The following ANKS3 variants were observed in gnomAD, a reference collection of about 807,000 sequenced individuals.
The protein encoded by ANKS3 is ankyrin repeat and sterile alpha motif domain containing 3, also known as ankyrin repeat and SAM domain-containing protein 3.
A neutral mutation model predicts 80.7 loss-of-function variants in ANKS3; 62 were observed. The ratio of observed to expected loss-of-function variants is 0.77; its 90% CI spans 0.63 to 0.95. ANKS3 has a LOEUF of 0.95. Among genes scored for constraint, ANKS3 ranks in the 40% least tolerant of loss-of-function variants. ANKS3 has a pLI of 0.00. For missense variants in ANKS3, 1,150 were observed against 883.6 expected (o/e 1.30, Z -3.82); for synonymous variants, 489 against 355.3 (o/e 1.38, Z -4.23).
chr16:4,725,832 G>A (rs1313873292), intron 5 of ANKS3, among the ~76,000 whole-genome samples: 1 of 150,594 alleles, frequency 6.6e-6, no homozygotes, highest in Non-Finnish European at 1.5e-5. Flanking sequence ...GCTAATTTTT[G>A]TATTTTTAGT....
intron 3 of ANKS3, chr16:4,727,813 C>T (rs2081429494): frequency 6.5e-6 from 1 of 153,286 alleles, no homozygotes; most frequent in Non-Finnish European, 1.5e-5. Context: ...TCACTGATTG[C>T]TGTTAAAATT....
At chr16:4,733,893 C>CA (rs1178523376) in intron 1 of ANKS3, 45 bp downstream of exon 1, 1 of 984,340 alleles carries the variant, frequency 1.0e-6, no homozygotes, top group Non-Finnish European at 1.2e-6. Context: ...AAAGGTAGCT[C>CA]ACTGGCCCCG....
intron 7 of ANKS3, among the ~76,000 whole-genome samples, chr16:4,707,407 G>A (rs1057145695): frequency 3.3e-5 from 5 of 150,832 alleles, no homozygotes; most frequent in Admixed American, 1.3e-4. Flanking sequence ...TCAGCCTCCC[G>A]AGTAGCTGGG....
intron 15 of ANKS3, 144 bp from the exon 16 acceptor site, chr16:4,697,560 G>T: frequency 1.5e-6 from 1 of 664,754 alleles, no homozygotes; most frequent in Non-Finnish European, 2.5e-6. Context: ...ACCTCCCAAG[G>T]CCGAGGCAGG....
chr16:4,716,830 C>G (rs8054023), intron 6 of ANKS3, among the ~76,000 whole-genome samples: 12,295 of 151,254 alleles, frequency 0.081, 1,030 homozygotes, highest in African/African-American at 0.22. Context: ...GAGGAGAAAT[C>G]CTTGAATCCA....
intron 7 of ANKS3, among the ~76,000 whole-genome samples, chr16:4,712,494 C>T (rs2080549514): frequency 6.6e-6 from 1 of 151,950 alleles, no homozygotes. Flanking sequence ...TAAAATAGTA[C>T]AACATGTGGG....
chr16:4,720,697 T>A (rs1004441871), intron 6 of ANKS3, among the ~76,000 whole-genome samples: 2 of 151,164 alleles, frequency 1.3e-5, no homozygotes, highest in Non-Finnish European at 1.5e-5. Flanking sequence ...TCTCAGCACT[T>A]TGGGAGGCCA....
intron 2 of ANKS3, 97 bp from the exon 3 acceptor site, chr16:4,730,248 G>C (rs981149731): frequency 2.5e-5 from 31 of 1,227,796 alleles, no homozygotes; most frequent in African/African-American, 1.1e-4. Context: ...TGCACTAGCA[G>C]ACTGATAACC....
intron 11 of ANKS3, chr16:4,700,753 G>C (rs1448612655): frequency 2.7e-6 from 2 of 752,208 alleles, no homozygotes; most frequent in African/African-American, 1.7e-5. Flanking sequence ...CAGGGAGACA[G>C]GTCCTTTCCG....
At chr16:4,701,259 T>TGAGAGCCTTGGTGAAA in intron 10 of ANKS3, 125 bp from the exon 11 acceptor site, 1 of 1,480,740 alleles carries the variant, frequency 6.8e-7, no homozygotes, top group Non-Finnish European at 9.2e-7. Flanking sequence ...CACAGGGGCT[T>TGAGAGCCTTGGTGAAA]CCGGTGCGTT....
At chr16:4,709,367 T>C (rs1214392390) in intron 7 of ANKS3, among the ~76,000 whole-genome samples, 1 of 149,762 alleles carries the variant, frequency 6.7e-6, no homozygotes, top group African/African-American at 2.5e-5. Flanking sequence ...GATCGTGCCA[T>C]TGCACTCCAG....
chr16:4,700,999 T>C lies in ANKS3; in HGVS notation c.1255A>G (p.Thr419Ala). 1.9e-6 allele frequency: 3 copies of C among 1,613,898 alleles called. 1 individual carries two copies. In the South Asian group the frequency reaches 3.3e-5, roughly 18 times the overall value. ...GGTCCTGAGTAGGGGGCCCTCTGAG[T>C]CTGGGGGCTGGACTCAGCGAGAAAG... ...EGFLAESSPQ[T>A]QRAPYSGPQD... Residue 419 changes from threonine (T) to alanine (A), a missense_variant, in exon 11 of 18, where the codon ACT (threonine) becomes GCT (alanine). Coordinates refer to ENST00000304283, the MANE Select transcript of ANKS3 (RefSeq NM_133450.4).
chr16:4,729,193 G>A (rs1387181132), intron 3 of ANKS3, among the ~76,000 whole-genome samples: 1 of 152,134 alleles, frequency 6.6e-6, no homozygotes. Flanking sequence ...TCTAACTATT[G>A]TACACAGATT....
chr16:4,724,955 C>T (rs2081282633), intron 5 of ANKS3, 124 bp from the exon 6 acceptor site: 2 of 715,194 alleles, frequency 2.8e-6, no homozygotes, highest in Admixed American at 5.6e-5. Flanking sequence ...GAACACTGTC[C>T]CTTTCCAGAA....
At chr16:4,718,414 T>C (rs1851053615) in intron 6 of ANKS3, among the ~76,000 whole-genome samples, 1 of 152,194 alleles carries the variant, frequency 6.6e-6, no homozygotes, top group Non-Finnish European at 1.5e-5. Context: ...CCCAGACAGA[T>C]CCATATCCTC....
intron 7 of ANKS3, among the ~76,000 whole-genome samples, chr16:4,711,260 C>T (rs1212613581): frequency 1.3e-5 from 2 of 151,678 alleles, no homozygotes; most frequent in Non-Finnish European, 2.9e-5. Flanking sequence ...TGCACCACTA[C>T]GCCCAGCTAA....
chr16:4,705,323 CTG>C, intron 7 of ANKS3, 70 bp from the exon 8 acceptor site: 1 of 1,547,708 alleles, frequency 6.5e-7, no homozygotes, highest in Non-Finnish European at 8.8e-7. Context: ...TTACGGCAAA[CTG>C]AAAGAAAGTG....
At chr16:4,709,962 G>T (rs1468379777) in intron 7 of ANKS3, among the ~76,000 whole-genome samples, 1 of 152,198 alleles carries the variant, frequency 6.6e-6, no homozygotes, top group Non-Finnish European at 1.5e-5. Flanking sequence ...AGTGAGCCAA[G>T]ATTATGCCAC....
intron 5 of ANKS3, among the ~76,000 whole-genome samples, 196 bp downstream of exon 5, chr16:4,726,463 G>C (rs1288551874): frequency 6.6e-6 from 1 of 152,226 alleles, no homozygotes; most frequent in Admixed American, 6.5e-5. Context: ...GAAGCTGAGA[G>C]GGCTTGAAGA....
Sources: gnomAD v4.1 joint callset for allele counts (sites outside exome capture counted in the v4.1 genomes callset) on GRCh38, gnomAD v4.1.1 for gene constraint, MANE v1.5 for transcripts, NCBI Gene and HGNC (gene_info 2026-07-23, HGNC 2026-07-21) for gene names.